The following PKD1L1 variants were observed in gnomAD, a reference collection of about 807,000 sequenced individuals.
The protein encoded by PKD1L1 is polycystin 1 like 1, transient receptor potential channel interacting, also known as polycystin-1-like protein 1.
Under a neutral mutation model 323.4 loss-of-function variants are expected in PKD1L1, and 236 were observed. The observed-to-expected ratio is 0.73, with a 90% CI of 0.66 to 0.81. The LOEUF (loss-of-function observed/expected upper bound fraction) is 0.81. Ranked by LOEUF, PKD1L1 falls within the 40% of genes least tolerant of loss-of-function variation. The pLI is 0.00. For synonymous variants in PKD1L1, 1,344 were observed against 1,335.0 expected (o/e 1.01, Z -0.15); for missense variants, 3,320 against 3,508.0 (o/e 0.95, Z 1.35).
intron 34 of PKD1L1, 23 bp downstream of exon 34, chr7:47,842,939 G>A: frequency 6.3e-7 from 1 of 1,599,568 alleles, no homozygotes; most frequent in Admixed American, 1.7e-5. Context: ...CCATCAAAGA[G>A]TACCCCCAGA....
At position 47,879,645 on chromosome 7, in the gene PKD1L1, A is replaced by AAG. The variant is rs1352084963; in HGVS notation, c.3520+1082_3520+1083insCT. Among the ~76,000 whole-genome samples, 2 of 145,742 alleles carry AAG rather than the reference A, an allele frequency of 1.4e-5. 1 individual carries two copies. Among genetic ancestry groups the AAG allele is most frequent in the African/African-American group, 5.2e-5 (2 of 38,178 alleles). On this transcript the variant is annotated intron_variant, in intron 21 of 56. Coordinates refer to ENST00000289672, the MANE Select transcript of PKD1L1 (RefSeq NM_138295.5). Reference sequence around the variant, plus strand: ...AAGACTTTGTCTCAAAAAAAAAAAAAAAAAAAGGCCAGGCACGGTGGCTCA... The same window carrying AAG: ...AAGACTTTGTCTCAAAAAAAAAAAAAAGAAAAAAGGCCAGGCACGGTGGCTCA...
At chr7:47,775,473 C>T (rs1255640493) in intron 56 of PKD1L1, among the ~76,000 whole-genome samples, 1 of 152,166 alleles carries the variant, frequency 6.6e-6, no homozygotes, top group Non-Finnish European at 1.5e-5. Context: ...AAATCAGCTA[C>T]ATAAGGACAT....
chr7:47,873,694 T>C (rs1382397233), intron 24 of PKD1L1, among the ~76,000 whole-genome samples: 1 of 149,212 alleles, frequency 6.7e-6, no homozygotes, highest in African/African-American at 2.5e-5. Context: ...AGTAGCTTTA[T>C]AGGCTCTGAA....
At chr7:47,927,828 G>A (rs77225658) in intron 7 of PKD1L1, among the ~76,000 whole-genome samples, 1 of 152,202 alleles carries the variant, frequency 6.6e-6, no homozygotes, top group East Asian at 1.9e-4. Context: ...CATAGCATTT[G>A]AGGCAATAAT....
chr7:47,861,691 G>A (rs1244116003), intron 26 of PKD1L1, among the ~76,000 whole-genome samples: 1 of 151,518 alleles, frequency 6.6e-6, no homozygotes, highest in Non-Finnish European at 1.5e-5. Context: ...GACCATCCTG[G>A]CTAACACAGT....
upstream of PKD1L1, among the ~76,000 whole-genome samples, chr7:47,951,185 C>T (rs551377260): frequency 2.0e-5 from 3 of 152,284 alleles, no homozygotes; most frequent in African/African-American, 7.2e-5. Context: ...CTAAGCTCCT[C>T]ATTTAGAAAC....
In PKD1L1 at chr7:47,853,032, T is replaced by C. The variant is rs748085983; in HGVS notation, c.4960+95A>G. On this transcript the variant is annotated intron_variant, in intron 31 of 56. Coordinates refer to ENST00000289672, the MANE Select transcript of PKD1L1 (RefSeq NM_138295.5). ...AGAAAGGATTCTGATGTTTTTGTCA[T>C]GAATAAAGAAAAACACCACTATACA... 4.8e-6 allele frequency: 4 copies of C among 833,826 alleles called. No homozygotes were observed. In the East Asian group the frequency reaches 7.3e-5, roughly 15 times the overall value. The allele number at this position is 833,826 out of a possible 1,614,324, so 51.7% of individuals were successfully genotyped here.
At chr7:47,832,630 CCA>C (rs1324357120) in intron 41 of PKD1L1, among the ~76,000 whole-genome samples, 3 of 152,176 alleles carry the variant, frequency 2.0e-5, no homozygotes, top group Non-Finnish European at 2.9e-5. Context: ...GCCAGGCCCA[CCA>C]CAGTCTCCTC....
chr7:47,786,330 A>G (rs1163089430), intron 56 of PKD1L1, among the ~76,000 whole-genome samples: 1 of 147,928 alleles, frequency 6.8e-6, no homozygotes, highest in Non-Finnish European at 1.5e-5. Flanking sequence ...AGCTGAGAGA[A>G]AATTCACCCT....
chr7:47,929,346 T>C lies in PKD1L1; in HGVS notation c.918A>G (p.Pro306=). 6.2e-7 allele frequency: 1 copy of C among 1,614,126 alleles called. No individual in the cohort carries two copies. The highest frequency in any genetic ancestry group is 1.1e-5 in the South Asian group (1 of 91,086). ...CSLEVEARAP[P]NLGFRVHMAS... Reference sequence around the variant, plus strand: ...CCATATGAACACGGAATCCCAGATTTGGAGGTGCCCGAGCTTCCACTTCCA... The same window carrying C: ...CCATATGAACACGGAATCCCAGATTCGGAGGTGCCCGAGCTTCCACTTCCA... Residue 306 remains proline (P), a synonymous_variant, in exon 7 of 57, where the codon CCA becomes CCG. Coordinates refer to ENST00000289672, the MANE Select transcript of PKD1L1 (RefSeq NM_138295.5).
chr7:47,886,082 AT>A, intron 17 of PKD1L1, 28 bp from the exon 18 acceptor site: 3 of 1,570,926 alleles, frequency 1.9e-6, no homozygotes, highest in Non-Finnish European at 2.6e-6. Context: ...CAGTGTTAGA[AT>A]TTTGCAGCAA....
At chr7:47,857,246 T>C (rs921047950) in intron 28 of PKD1L1, among the ~76,000 whole-genome samples, 2 of 152,212 alleles carry the variant, frequency 1.3e-5, no homozygotes, top group African/African-American at 4.8e-5. Flanking sequence ...ATCTTCATCG[T>C]TCTAAAGACA....
At chr7:47,894,564 G>C (rs1786895378) in intron 14 of PKD1L1, among the ~76,000 whole-genome samples, 1 of 152,168 alleles carries the variant, frequency 6.6e-6, no homozygotes, top group Non-Finnish European at 1.5e-5. Context: ...TTACAAGTTT[G>C]ATGCGGCCAG....
chr7:47,883,053 T>C (rs1786598619), intron 19 of PKD1L1, among the ~76,000 whole-genome samples: 1 of 152,052 alleles, frequency 6.6e-6, no homozygotes, highest in Admixed American at 6.5e-5. Flanking sequence ...AATAATTTTA[T>C]AAATGCAATA....
intron 17 of PKD1L1, among the ~76,000 whole-genome samples, chr7:47,887,232 A>T (rs965598322): frequency 1.3e-5 from 2 of 152,188 alleles, no homozygotes; most frequent in Non-Finnish European, 2.9e-5. Flanking sequence ...GGAAGCTTTG[A>T]ATGGCCTCAT....
intron 34 of PKD1L1, among the ~76,000 whole-genome samples, chr7:47,842,506 C>T (rs546371360): frequency 3.1e-4 from 47 of 152,290 alleles, no homozygotes; most frequent in South Asian, 8.3e-4. Flanking sequence ...GCAGACCTCA[C>T]CTCCACAGCT....
At chr7:47,877,667 A>G in intron 21 of PKD1L1, 36 bp from the exon 22 acceptor site, 1 of 1,607,796 alleles carries the variant, frequency 6.2e-7, no homozygotes, top group Non-Finnish European at 8.5e-7. Flanking sequence ...TTCACCCATG[A>G]TGGAGAATTA....
intron 56 of PKD1L1, 71 bp downstream of exon 56, chr7:47,792,556 T>C (rs1322427731): frequency 6.9e-7 from 1 of 1,445,054 alleles, no homozygotes; most frequent in East Asian, 2.3e-5. Flanking sequence ...GAAAAACAAC[T>C]ATTCCAAAAC....
chr7:47,875,386 A>G (rs1786381634), intron 23 of PKD1L1, among the ~76,000 whole-genome samples: 1 of 152,240 alleles, frequency 6.6e-6, no homozygotes. Flanking sequence ...TAATCTTACC[A>G]GTCCAAATTA....
Sources: gnomAD v4.1 joint callset for allele counts (sites outside exome capture counted in the v4.1 genomes callset) on GRCh38, gnomAD v4.1.1 for gene constraint, MANE v1.5 for transcripts, NCBI Gene and HGNC (gene_info 2026-07-23, HGNC 2026-07-21) for gene names.